The following VAV2 variants were observed in gnomAD, a reference collection of about 807,000 sequenced individuals.
The protein encoded by VAV2 is guanine nucleotide exchange factor VAV2.
In VAV2, 67 loss-of-function variants were observed where a neutral mutation model predicts 132.5. The ratio of observed to expected loss-of-function variants is 0.51; its 90% CI spans 0.42 to 0.62. The LOEUF (loss-of-function observed/expected upper bound fraction) is 0.62, where lower values mean the gene tolerates loss of function less well. VAV2 is among the 20% of genes least tolerant of loss of function. The pLI, the probability that VAV2 is intolerant of heterozygous loss-of-function variation, is 0.00. For synonymous variants in VAV2, 492 were observed against 443.5 expected, an observed-to-expected ratio of 1.11 and a Z score of -1.37; for missense variants, 938 against 1,153.6, an observed-to-expected ratio of 0.81 and a Z score of 2.71.
intron 3 of VAV2, among the ~76,000 whole-genome samples, chr9:133,856,056 A>G (rs2131852341): frequency 6.6e-6 from 1 of 152,342 alleles, no homozygotes; most frequent in East Asian, 1.9e-4. Context: ...CACGTGCGAA[A>G]GGCACGCACC....
At position 133,977,525 on chromosome 9, in the gene VAV2, T is replaced by C. The variant is rs375378560; in HGVS notation, c.204+14550A>G. Among the ~76,000 whole-genome samples, 25 of 152,302 alleles carry C rather than the reference T, an allele frequency of 1.6e-4. 1 individual carries two copies. The South Asian group carries it at 3.1e-3, about 19-fold the overall frequency. ...AGGCACCTTGTGCACCGGGGACACG[T>C]GGCAATGGCCCTGGGGCCAGTCACC... is the stretch of plus-strand genomic sequence containing the variant. On this transcript the variant is annotated intron_variant, in intron 1 of 29. Coordinates refer to ENST00000371850, the MANE Select transcript of VAV2 (RefSeq NM_001134398.2).
chr9:133,848,948 C>T (rs1221303049), intron 3 of VAV2, among the ~76,000 whole-genome samples: 3 of 152,232 alleles, frequency 2.0e-5, no homozygotes, highest in East Asian at 1.9e-4. Context: ...AATGATCTCA[C>T]GTCTCATCTG....
At chr9:133,838,351 T>C (rs1836553276) in intron 3 of VAV2, among the ~76,000 whole-genome samples, 1 of 150,534 alleles carries the variant, frequency 6.6e-6, no homozygotes. Context: ...GATGAGTACA[T>C]GGATGGATGA....
intron 3 of VAV2, among the ~76,000 whole-genome samples, chr9:133,842,045 C>G (rs1367589001): frequency 1.3e-5 from 2 of 152,220 alleles, no homozygotes; most frequent in Admixed American, 1.3e-4. Flanking sequence ...TACATCTGAA[C>G]AAGAACGCAG....
At chr9:133,983,325 C>A (rs1842756346) in intron 1 of VAV2, among the ~76,000 whole-genome samples, 1 of 152,152 alleles carries the variant, frequency 6.6e-6, no homozygotes, top group Non-Finnish European at 1.5e-5. Context: ...CAGAGCCCAG[C>A]GTCCTTCCAG....
At chr9:133,812,633 T>A (rs1241329526) in intron 4 of VAV2, among the ~76,000 whole-genome samples, 4 of 152,154 alleles carry the variant, frequency 2.6e-5, no homozygotes, top group Non-Finnish European at 2.9e-5. Context: ...GGCCCAAGGC[T>A]GTGACCTGGA....
rs188451187 is a variant in VAV2 at position 133,785,923 on chromosome 9, G to T, written c.1423-38C>A. On this transcript the variant is annotated intron_variant, in intron 16 of 29. Coordinates refer to ENST00000371850, the MANE Select transcript of VAV2 (RefSeq NM_001134398.2). ...GAGGGGCCATGCTTGCAATAGACAC[G>T]GCTTCAGACATCCTGGCACATGTCC... 38 of 1,567,894 alleles carry T rather than the reference G, an allele frequency of 2.4e-5. No individual in the cohort carries two copies. In the East Asian group the frequency reaches 5.9e-4, roughly 24 times the overall value.
intron 2 of VAV2, among the ~76,000 whole-genome samples, chr9:133,889,331 C>T (rs1838838869): frequency 2.0e-5 from 3 of 152,200 alleles, no homozygotes; most frequent in Admixed American, 2.0e-4. Flanking sequence ...GTGTGGGAGA[C>T]AGCATGCCCA....
chr9:133,823,922 G>A lies in VAV2; in HGVS notation c.449+10350C>T, dbSNP rs113566481. ...GGTCACGCGCACCTGCTCTGCGTGC[G>A]TCAGAGGGTTCCCCTGCGATCTCCC... On this transcript the variant is annotated intron_variant, in intron 4 of 29. Coordinates refer to ENST00000371850, the MANE Select transcript of VAV2 (RefSeq NM_001134398.2). The surrounding 1 kb of genome is among the most constrained non-coding windows in gnomAD (Gnocchi z 5.5). 8.2e-3 allele frequency among the ~76,000 whole-genome samples: 1,250 copies of A among 152,266 alleles called. 5 individuals carry two copies. Among genetic ancestry groups the A allele is most frequent in the Non-Finnish European group, 0.012 (793 of 68,008 alleles).
intron 25 of VAV2, among the ~76,000 whole-genome samples, chr9:133,772,545 AG>A (rs139973338): frequency 0.036 from 5,422 of 152,150 alleles, 152 homozygotes; most frequent in Admixed American, 0.066. Flanking sequence ...TCTGTCCTCA[AG>A]GCCCCCTTAT....
At chr9:133,870,696 G>A (rs969620042) in intron 2 of VAV2, among the ~76,000 whole-genome samples, 8 of 149,252 alleles carry the variant, frequency 5.4e-5, no homozygotes, top group Admixed American at 4.0e-4. Context: ...TGGGTGGATG[G>A]ATAAGTGGGT....
At chr9:133,810,146 C>T (rs1428834505) in intron 6 of VAV2, 45 bp downstream of exon 6, 10 of 1,611,756 alleles carry the variant, frequency 6.2e-6, no homozygotes, top group Admixed American at 1.7e-5. Context: ...GTCAAGAAGA[C>T]GGCGCAGGCA....
intron 2 of VAV2, among the ~76,000 whole-genome samples, chr9:133,905,415 GAC>G (rs1186331883): frequency 1.4e-5 from 2 of 139,028 alleles, no homozygotes; most frequent in Admixed American, 7.4e-5. Flanking sequence ...CAGCCTGGGT[GAC>G]AGAGTGAAAC....
intron 2 of VAV2, among the ~76,000 whole-genome samples, chr9:133,866,600 T>G (rs1222721160): frequency 6.6e-6 from 1 of 152,084 alleles, no homozygotes; most frequent in Non-Finnish European, 1.5e-5. Flanking sequence ...GGTCAGGAGT[T>G]TGAGACCAGC....
chr9:133,936,639 G>C (rs909444950), intron 2 of VAV2, among the ~76,000 whole-genome samples: 16 of 152,160 alleles, frequency 1.1e-4, no homozygotes, highest in Non-Finnish European at 2.2e-4. Context: ...GCGACCGGTG[G>C]GGGGCGGCAG....
intron 3 of VAV2, among the ~76,000 whole-genome samples, chr9:133,859,495 C>T (rs1837513470): frequency 6.6e-6 from 1 of 152,210 alleles, no homozygotes; most frequent in Admixed American, 6.5e-5. Flanking sequence ...GTCTGCGGCA[C>T]CAGGCCTCCA....
intron 3 of VAV2, among the ~76,000 whole-genome samples, chr9:133,841,108 T>C (rs979798543): frequency 2.0e-5 from 3 of 151,992 alleles, no homozygotes; most frequent in African/African-American, 7.3e-5. Context: ...CCCAGGCAGG[T>C]AGCAGGTGCC....
In VAV2 at chr9:133,849,357, C is replaced by T. The variant is rs116840917; in HGVS notation, c.380+12017G>A. Among the ~76,000 whole-genome samples the T allele has an allele frequency of 6.3e-3, 960 of 152,282 alleles. 4 individuals are homozygous for T. The highest frequency in any genetic ancestry group is 0.014 in the Middle Eastern group (4 of 294). ...GGCCTCCTCCTGGGCCGGGAGTTCT[C>T]GTGGATGCCAGGGCTACGTTAAGAA... On this transcript the variant is annotated intron_variant, in intron 3 of 29. Coordinates refer to ENST00000371850, the MANE Select transcript of VAV2 (RefSeq NM_001134398.2).
At position 133,776,698 on chromosome 9, in the gene VAV2, C is replaced by T. The variant is rs374547890; in HGVS notation, c.1966-618G>A. 3.3e-5 allele frequency among the ~76,000 whole-genome samples: 5 copies of T among 152,324 alleles called. No individual in the cohort carries two copies. The East Asian group carries it at 9.7e-4, about 29-fold the overall frequency. ...CCCTGCCGCCTGGTCCCCTTGGTCA[C>T]GCAAAGTGCCCTAAGTGCTGAGCAC... On this transcript the variant is annotated intron_variant, in intron 23 of 29. Coordinates refer to ENST00000371850, the MANE Select transcript of VAV2 (RefSeq NM_001134398.2).
Sources: gnomAD v4.1 joint callset for allele counts (sites outside exome capture counted in the v4.1 genomes callset) on GRCh38, gnomAD v4.1.1 for gene constraint, Gnocchi (gnomAD v3.1) non-coding constraint, MANE v1.5 for transcripts, NCBI Gene and HGNC (gene_info 2026-07-23, HGNC 2026-07-21) for gene names.